The following LDAH variants were observed in gnomAD, a reference collection of about 807,000 sequenced individuals.
The protein encoded by LDAH is lipid droplet-associated hydrolase.
LDAH carries 26 observed loss-of-function variants against 29.6 expected under a neutral mutation model. That is an observed-to-expected ratio of 0.88 (90% CI 0.64 to 1.22). LDAH has a LOEUF of 1.22. Among genes scored for constraint, LDAH ranks in the 50% most tolerant of loss-of-function variants. LDAH has a pLI of 0.00. For missense variants in LDAH, 344 were observed against 387.3 expected, an observed-to-expected ratio of 0.89 and a Z score of 0.94; for synonymous variants, 117 against 133.0, an observed-to-expected ratio of 0.88 and a Z score of 0.83.
At chr2:20,753,497 C>T (rs1027190833) in intron 4 of LDAH, among the ~76,000 whole-genome samples, 1 of 152,186 alleles carries the variant, frequency 6.6e-6, no homozygotes, top group Admixed American at 6.5e-5. Flanking sequence ...AAAATAAATT[C>T]AAGAAGTTGG....
At chr2:20,775,463 TC>T (rs1166524533) in intron 3 of LDAH, among the ~76,000 whole-genome samples, 2 of 152,192 alleles carry the variant, frequency 1.3e-5, no homozygotes, top group Non-Finnish European at 2.9e-5. Context: ...TTTCCAAGTT[TC>T]CAGGAGATGT....
chr2:20,775,959 G>A (rs1451832334), intron 3 of LDAH, among the ~76,000 whole-genome samples: 1 of 152,176 alleles, frequency 6.6e-6, no homozygotes, highest in Non-Finnish European at 1.5e-5. Context: ...CTGACTAGAT[G>A]ATCTCTGAGG....
At chr2:20,821,305 A>G (rs1167467031) in intron 1 of LDAH, among the ~76,000 whole-genome samples, 1 of 152,248 alleles carries the variant, frequency 6.6e-6, no homozygotes, top group Non-Finnish European at 1.5e-5. Flanking sequence ...TGCTATAAAG[A>G]CACATGCACA....
intron 3 of LDAH, 62 bp downstream of exon 3, chr2:20,790,193 G>C: frequency 1.3e-6 from 2 of 1,557,026 alleles, no homozygotes; most frequent in Non-Finnish European, 1.8e-6. Flanking sequence ...ACCTTAGCAA[G>C]CTTGCTAGAA....
intron 6 of LDAH, among the ~76,000 whole-genome samples, chr2:20,700,696 G>C (rs1187430336): frequency 6.6e-6 from 1 of 152,008 alleles, no homozygotes; most frequent in Non-Finnish European, 1.5e-5. Context: ...GAATTTCCTA[G>C]TTACAATGTT....
chr2:20,709,059 G>T (rs1664512283), intron 5 of LDAH, among the ~76,000 whole-genome samples: 1 of 152,114 alleles, frequency 6.6e-6, no homozygotes, highest in Non-Finnish European at 1.5e-5. Flanking sequence ...TATCCCTAAT[G>T]TAAAAACATA....
rs183692030 is a variant in LDAH, at chr2:20,711,900, G to C, written c.704-10248C>G. ...GCGGCCAGAAAGCTCAAACAGGGCA[G>C]AGCCCACTGCAGCACCAAGGCTTGC... On this transcript the variant is annotated intron_variant, in intron 5 of 6. Transcript: ENST00000237822. Among the ~76,000 whole-genome samples, 148 of 152,362 alleles carry C rather than the reference G, an allele frequency of 9.7e-4. 1 individual carries two copies. The highest frequency in any genetic ancestry group is 3.4e-3 in the African/African-American group (142 of 41,590).
chr2:20,807,433 T>C (rs1057109134), intron 1 of LDAH, among the ~76,000 whole-genome samples: 1 of 152,134 alleles, frequency 6.6e-6, no homozygotes, highest in Non-Finnish European at 1.5e-5. Context: ...TTGAGATAGA[T>C]GCAAAAACTA....
At chr2:20,699,187 A>C (rs1663730694) in intron 6 of LDAH, among the ~76,000 whole-genome samples, 1 of 152,206 alleles carries the variant, frequency 6.6e-6, no homozygotes, top group Admixed American at 6.5e-5. Context: ...GACTATTCAC[A>C]CTGGACAGTC....
chr2:20,735,979 C>T (rs115415686), intron 5 of LDAH, among the ~76,000 whole-genome samples: 4,133 of 152,150 alleles, frequency 0.027, 187 homozygotes, highest in African/African-American at 0.095. Flanking sequence ...TGAAAGTCTT[C>T]GCTCTCTACT....
At chr2:20,780,362 CAG>C (rs1186817939) in intron 3 of LDAH, among the ~76,000 whole-genome samples, 1 of 152,000 alleles carries the variant, frequency 6.6e-6, no homozygotes, top group Non-Finnish European at 1.5e-5. Context: ...CAGGAAACAG[CAG>C]AGAGATTCAG....
Position 20,768,952 on chromosome 2 carries a change from CA to C in LDAH, c.468+5857del, listed in dbSNP as rs1669228888. Among the ~76,000 whole-genome samples, 3 of 152,176 alleles carry C rather than the reference CA, an allele frequency of 2.0e-5. No individual in the cohort carries two copies. In the South Asian group the frequency reaches 6.2e-4, roughly 32 times the overall value. ...TTACCTGATGCATGACTGCTATCATCAGAGATCCTTCAATGGCTTTCTGCTG... is the reference window on the plus strand; with the variant it reads ...TTACCTGATGCATGACTGCTATCATCGAGATCCTTCAATGGCTTTCTGCTG... On this transcript the variant is annotated intron_variant, in intron 4 of 6. Transcript: ENST00000237822.
intron 4 of LDAH, among the ~76,000 whole-genome samples, chr2:20,768,166 G>A (rs1206153902): frequency 6.6e-6 from 1 of 152,194 alleles, no homozygotes; most frequent in Non-Finnish European, 1.5e-5. Flanking sequence ...GACCTGATGA[G>A]TGGCGAGGCT....
chr2:20,685,512 C>T lies in LDAH; in HGVS notation c.*1391G>A. On this transcript the variant is annotated 3_prime_UTR_variant, in exon 7 of 7. Transcript: ENST00000237822. ...GAAGTCACTTGCTGTGATGTAGAAG[C>T]TATGCCAAAGCACAGTAACTCATTC... 6.5e-7 allele frequency: 1 copy of T among 1,546,516 alleles called. No homozygotes were observed. The highest frequency in any genetic ancestry group is 8.7e-7 in the Non-Finnish European group (1 of 1,145,150).
chr2:20,767,992 G>A (rs1474150395), intron 4 of LDAH, among the ~76,000 whole-genome samples: 2 of 152,126 alleles, frequency 1.3e-5, no homozygotes, highest in African/African-American at 2.4e-5. Context: ...TACCCTCTCT[G>A]CTAGGAGCTG....
intron 1 of LDAH, 53 bp from the exon 2 acceptor site, chr2:20,801,518 A>G: frequency 6.7e-7 from 1 of 1,492,466 alleles, no homozygotes; most frequent in Admixed American, 1.9e-5. Context: ...TAAAACCTTG[A>G]GCCAAAGACA....
intron 3 of LDAH, among the ~76,000 whole-genome samples, chr2:20,781,987 T>C (rs557770560): frequency 2.6e-4 from 39 of 152,330 alleles, no homozygotes; most frequent in African/African-American, 9.4e-4. Flanking sequence ...TAATAAGATG[T>C]CAATTTACAA....
Position 20,762,798 on chromosome 2 carries a change from G to T in LDAH, c.468+12012C>A, listed in dbSNP as rs2124963242. 2.0e-5 allele frequency among the ~76,000 whole-genome samples: 3 copies of T among 152,248 alleles called. No individual in the cohort carries two copies. In the Middle Eastern group the frequency reaches 0.01, roughly 518 times the overall value. On this transcript the variant is annotated intron_variant, in intron 4 of 6. Transcript: ENST00000237822. ...AAATTAACCTAAGCTAAAAGGATTA[G>T]CTAAAGGCCCACATACTACAGACTA...
At chr2:20,777,269 G>A (rs1572608519) in intron 3 of LDAH, among the ~76,000 whole-genome samples, 1 of 152,216 alleles carries the variant, frequency 6.6e-6, no homozygotes, top group East Asian at 1.9e-4. Flanking sequence ...GAATATTTCA[G>A]AGGTAGATCT....
Sources: gnomAD v4.1 joint callset for allele counts (sites outside exome capture counted in the v4.1 genomes callset) on GRCh38, gnomAD v4.1.1 for gene constraint, MANE v1.5 for transcripts, NCBI Gene and HGNC (gene_info 2026-07-23, HGNC 2026-07-21) for gene names.